The following HDAC9 variants were observed in gnomAD, a reference collection of about 807,000 sequenced individuals.
HDAC9 encodes MEF-2 interacting transcription repressor (MITR) protein.
A neutral mutation model predicts 139.4 loss-of-function variants in HDAC9; 41 were observed. That is an observed-to-expected ratio of 0.29 (90% confidence interval 0.23 to 0.38). HDAC9 has a LOEUF of 0.38. Ranked by LOEUF, HDAC9 falls within the 10% of genes least tolerant of loss-of-function variation. HDAC9 has a pLI of 1.00. For missense variants in HDAC9, 1,147 were observed against 1,297.0 expected (o/e 0.88, Z 1.78); for synonymous variants, 517 against 476.2 (o/e 1.09, Z -1.12).
At position 18,999,421 on chromosome 7, in the gene HDAC9, T is replaced by A. The variant is rs573910280; in HGVS notation, c.*3359T>A. ...TAAAATAGAATGATCATTTGGAAAG[T>A]CTCCTGGGAAAAAATTCCTCTTCAA... On this transcript the variant is annotated 3_prime_UTR_variant, in exon 26 of 26. Transcript: ENST00000686413. 4 of 152,310 alleles carry A rather than the reference T, an allele frequency of 2.6e-5. No individual in the cohort carries two copies. Among genetic ancestry groups the A allele is most frequent in the African/African-American group, 9.6e-5 (4 of 41,560 alleles). 9.4% of individuals were successfully genotyped at this position (152,310 alleles called of 1,614,324 possible).
chr7:18,786,207 A>C, intron 16 of HDAC9, among the ~76,000 whole-genome samples: 1 of 152,148 alleles, frequency 6.6e-6, no homozygotes, highest in Non-Finnish European at 1.5e-5. Context: ...ATTCTGGATC[A>C]CCACTAGTAA....
At chr7:18,771,607 G>A (rs2129164786) in intron 16 of HDAC9, among the ~76,000 whole-genome samples, 2 of 151,784 alleles carry the variant, frequency 1.3e-5, no homozygotes, top group African/African-American at 4.8e-5. Flanking sequence ...ACATAATCAG[G>A]AGAAAAATCT....
chr7:18,167,689 G>A (rs1428650496), intron 2 of HDAC9, among the ~76,000 whole-genome samples: 2 of 152,172 alleles, frequency 1.3e-5, no homozygotes, highest in Non-Finnish European at 1.5e-5. Context: ...GGTGCATTGA[G>A]TGTGAGAGGT....
intron 16 of HDAC9, among the ~76,000 whole-genome samples, chr7:18,785,301 T>G (rs913468163): frequency 2.6e-5 from 4 of 151,974 alleles, no homozygotes; most frequent in African/African-American, 7.3e-5. Flanking sequence ...GAAAGGACAC[T>G]GATTAAAGTT....
intron 25 of HDAC9, among the ~76,000 whole-genome samples, chr7:18,983,872 A>G (rs1785118553): frequency 6.6e-6 from 1 of 152,100 alleles, no homozygotes; most frequent in Non-Finnish European, 1.5e-5. Flanking sequence ...TCCTTGGCAC[A>G]TGCCTTCTCT....
chr7:18,721,425 C>T (rs1010801285), intron 12 of HDAC9, among the ~76,000 whole-genome samples: 35 of 151,696 alleles, frequency 2.3e-4, no homozygotes, highest in Non-Finnish European at 4.0e-4. Flanking sequence ...TTTTCACTCA[C>T]CATATTTGCG....
intron 22 of HDAC9, among the ~76,000 whole-genome samples, chr7:18,928,078 A>T (rs142019727): frequency 4.3e-4 from 66 of 152,266 alleles, no homozygotes; most frequent in African/African-American, 1.5e-3. Context: ...TTTCTCTGAG[A>T]ATTGGCTGCT....
At chr7:18,235,441 T>A (rs1375818403) in intron 2 of HDAC9, among the ~76,000 whole-genome samples, 1 of 152,130 alleles carries the variant, frequency 6.6e-6, no homozygotes, top group African/African-American at 2.4e-5. Context: ...TCACTGAACA[T>A]GGGGTTAGGA....
intron 22 of HDAC9, among the ~76,000 whole-genome samples, chr7:18,917,746 A>G (rs911848901): frequency 1.3e-5 from 2 of 152,012 alleles, no homozygotes; most frequent in African/African-American, 4.8e-5. Flanking sequence ...TTTATTGAAG[A>G]AGAAAGGGAG....
intron 16 of HDAC9, among the ~76,000 whole-genome samples, chr7:18,780,522 G>C (rs1174642200): frequency 6.6e-6 from 1 of 151,968 alleles, no homozygotes; most frequent in Non-Finnish European, 1.5e-5. Context: ...CAGTGAAGAA[G>C]CATCATTGTA....
chr7:18,287,086 T>G (rs1797499006), upstream of HDAC9, among the ~76,000 whole-genome samples: 1 of 152,216 alleles, frequency 6.6e-6, no homozygotes. Flanking sequence ...AACTGGGTAT[T>G]TGAAAGGAAT....
At chr7:18,660,213 A>G (rs1792683048) in intron 11 of HDAC9, among the ~76,000 whole-genome samples, 1 of 152,134 alleles carries the variant, frequency 6.6e-6, no homozygotes, top group Non-Finnish European at 1.5e-5. Flanking sequence ...CACTGTGACA[A>G]ATTTGACTGT....
intron 22 of HDAC9, among the ~76,000 whole-genome samples, chr7:18,907,433 A>T (rs1226716794): frequency 6.6e-6 from 1 of 152,256 alleles, no homozygotes; most frequent in Non-Finnish European, 1.5e-5. Context: ...AGAGGGGCAC[A>T]TTATAAGATG....
At chr7:18,731,923 GCCTTAA>G (rs1444156161) in intron 13 of HDAC9, among the ~76,000 whole-genome samples, 5 of 152,082 alleles carry the variant, frequency 3.3e-5, no homozygotes, top group African/African-American at 1.2e-4. Flanking sequence ...ACCAGGCCCA[GCCTTAA>G]AAAAATGATA....
At chr7:18,205,756 A>G (rs1305353318) in intron 2 of HDAC9, among the ~76,000 whole-genome samples, 3 of 152,098 alleles carry the variant, frequency 2.0e-5, no homozygotes, top group Non-Finnish European at 4.4e-5. Context: ...AATGTTAAAT[A>G]CTGGTTAGAA....
At chr7:18,825,503 G>T (rs1398172444) in intron 17 of HDAC9, among the ~76,000 whole-genome samples, 3 of 152,172 alleles carry the variant, frequency 2.0e-5, no homozygotes, top group East Asian at 3.9e-4. Flanking sequence ...TAGCATGGCG[G>T]CCATTGGTGA....
intron 6 of HDAC9, among the ~76,000 whole-genome samples, chr7:18,604,091 T>C (rs558559405): frequency 3.3e-5 from 5 of 152,166 alleles, no homozygotes; most frequent in Middle Eastern, 3.2e-3. Flanking sequence ...TATGTCTCGA[T>C]ACTGAGTTTT....
chr7:18,691,808 G>A (rs1782693442), intron 12 of HDAC9, among the ~76,000 whole-genome samples: 1 of 151,916 alleles, frequency 6.6e-6, no homozygotes, highest in East Asian at 1.9e-4. Context: ...GGTCAAAGAG[G>A]AAACCATCAA....
At chr7:18,905,686 G>T (rs964196934) in intron 22 of HDAC9, among the ~76,000 whole-genome samples, 3 of 152,184 alleles carry the variant, frequency 2.0e-5, no homozygotes, top group Non-Finnish European at 4.4e-5. Flanking sequence ...GGAAATGGAA[G>T]GGATTTCCAT....
Sources: gnomAD v4.1 joint callset for allele counts (sites outside exome capture counted in the v4.1 genomes callset) on GRCh38, gnomAD v4.1.1 for gene constraint, MANE v1.5 for transcripts, NCBI Gene and HGNC (gene_info 2026-07-23, HGNC 2026-07-21) for gene names.